Variants in LEMD3 observed in about 807,000 individuals in gnomAD.
LEMD3 encodes the protein inner nuclear membrane protein Man1.
LEMD3 carries 33 observed loss-of-function variants against 95.2 expected under a neutral mutation model. The observed-to-expected ratio is 0.35, with a 90% confidence interval of 0.26 to 0.46. The LOEUF (loss-of-function observed/expected upper bound fraction) is 0.46. Ranked by LOEUF, LEMD3 falls within the 20% of genes least tolerant of loss-of-function variation. The probability of loss-of-function intolerance (pLI) is 1.00; values close to 1 mark genes in which losing one functional copy is unlikely to be tolerated. For missense variants in LEMD3, 1,210 were observed against 1,192.8 expected, an observed-to-expected ratio of 1.01 and a Z score of -0.21; for synonymous variants, 525 against 474.6, an observed-to-expected ratio of 1.11 and a Z score of -1.38.
chr12:65,188,854 G>A (rs1157648158), intron 1 of LEMD3, among the ~76,000 whole-genome samples: 1 of 152,016 alleles, frequency 6.6e-6, no homozygotes, highest in Admixed American at 6.6e-5. Flanking sequence ...TATTGCTGAT[G>A]GCTGCAAACA....
chr12:65,242,785 A>G (rs1870974724), intron 9 of LEMD3, among the ~76,000 whole-genome samples: 1 of 152,178 alleles, frequency 6.6e-6, no homozygotes, highest in Admixed American at 6.6e-5. Flanking sequence ...TCTCCACATA[A>G]CAATGTATTT....
chr12:65,210,017 C>T (rs887818163), intron 1 of LEMD3, among the ~76,000 whole-genome samples: 1 of 151,754 alleles, frequency 6.6e-6, no homozygotes, highest in Non-Finnish European at 1.5e-5. Context: ...TGAATATTTT[C>T]GTATGTAATA....
intron 10 of LEMD3, 98 bp from the exon 11 acceptor site, chr12:65,245,571 A>C: frequency 1.2e-6 from 1 of 843,248 alleles, no homozygotes. Context: ...TTTTAAAACT[A>C]TACCAATTCT....
intron 1 of LEMD3, among the ~76,000 whole-genome samples, chr12:65,187,984 A>G (rs575119985): frequency 6.6e-6 from 1 of 152,228 alleles, no homozygotes; most frequent in East Asian, 1.9e-4. Flanking sequence ...AGATGCTTTC[A>G]CTGTTTATTT....
intron 1 of LEMD3, among the ~76,000 whole-genome samples, chr12:65,206,935 A>G (rs1294760522): frequency 6.6e-6 from 1 of 152,056 alleles, no homozygotes; most frequent in African/African-American, 2.4e-5. Context: ...TTCTATGATG[A>G]GAGTTATGTA....
chr12:65,170,837 C>G lies in LEMD3; in HGVS notation c.1241C>G (p.Ala414Gly), dbSNP rs1868522526. 1 of 1,614,224 alleles carries G rather than the reference C, an allele frequency of 6.2e-7. No homozygotes were observed. Among genetic ancestry groups the G allele is most frequent in the Non-Finnish European group, 8.5e-7 (1 of 1,180,038 alleles). Residue 414 changes from alanine to glycine, a missense_variant, in exon 1 of 13, where the codon GCG becomes GGG. Physicochemically the swap from Ala to Gly is moderately conservative, Grantham distance 60. Coordinates refer to ENST00000308330, the MANE Select transcript of LEMD3 (RefSeq NM_014319.5). ...TATTCTAACAGTCTCCCTCCCAGTG[C>G]GGCGGTGGCCGCCTCTAGTTCACTC... Reference protein sequence around the residue: ...RIYSNSLPPSAAVAASSSLRI... With the variant: ...RIYSNSLPPSGAVAASSSLRI...
At chr12:65,206,045 C>A (rs1270793412) in intron 1 of LEMD3, among the ~76,000 whole-genome samples, 1 of 152,110 alleles carries the variant, frequency 6.6e-6, no homozygotes, top group East Asian at 1.9e-4. Context: ...TTCACCCTGT[C>A]CATTTTTAGA....
chr12:65,169,615 T>A lies in LEMD3; in HGVS notation c.19T>A (p.Ser7Thr). Residue 7 changes from serine to threonine, a missense_variant, in exon 1 of 13, where the codon TCG (serine) becomes ACG (threonine). By Grantham distance (58) the Ser-to-Thr change is moderately conservative. Around this residue, in one of 2 missense-constraint regions of LEMD3, gnomAD observed 749 missense variants for 622.9 expected, o/e 1.20. Coordinates refer to ENST00000308330, the MANE Select transcript of LEMD3 (RefSeq NM_014319.5). MAAAAA[S>T]APQQLSDEEL... ...AGAGAAAATGGCGGCGGCAGCAGCTTCGGCGCCTCAGCAGCTCTCGGATGA... is the reference window on the plus strand; with the variant it reads ...AGAGAAAATGGCGGCGGCAGCAGCTACGGCGCCTCAGCAGCTCTCGGATGA... 6.3e-7 allele frequency: 1 copy of A among 1,588,082 alleles called. No individual in the cohort carries two copies. The highest frequency in any genetic ancestry group is 8.6e-7 in the Non-Finnish European group (1 of 1,169,556).
chr12:65,214,386 A>G (rs900789657), intron 2 of LEMD3, among the ~76,000 whole-genome samples: 1 of 152,200 alleles, frequency 6.6e-6, no homozygotes, highest in Non-Finnish European at 1.5e-5. Context: ...TGATTAAGAT[A>G]AAATTGAGGC....
At chr12:65,212,250 C>T (rs1869961860) in intron 2 of LEMD3, among the ~76,000 whole-genome samples, 1 of 152,142 alleles carries the variant, frequency 6.6e-6, no homozygotes, top group African/African-American at 2.4e-5. Context: ...CCCACCACTG[C>T]CTCCCACAAC....
At chr12:65,174,468 A>AT (rs1016283133) in intron 1 of LEMD3, among the ~76,000 whole-genome samples, 6 of 151,620 alleles carry the variant, frequency 4.0e-5, no homozygotes, top group Non-Finnish European at 5.9e-5. Context: ...ATCATTATTA[A>AT]TTTTTTTTTC....
At chr12:65,175,603 T>C (rs578015480) in intron 1 of LEMD3, among the ~76,000 whole-genome samples, 2 of 152,336 alleles carry the variant, frequency 1.3e-5, no homozygotes, top group Non-Finnish European at 2.9e-5. Flanking sequence ...GTATCACTAC[T>C]CTCTCCTAGT....
intron 2 of LEMD3, among the ~76,000 whole-genome samples, chr12:65,214,768 C>T (rs1336694951): frequency 6.6e-6 from 1 of 152,094 alleles, no homozygotes; most frequent in Non-Finnish European, 1.5e-5. Flanking sequence ...AAGACAGAGC[C>T]CCCTGATAAA....
chr12:65,245,806 T>C (rs1187897249), intron 11 of LEMD3, 32 bp downstream of exon 11: 1 of 1,604,386 alleles, frequency 6.2e-7, no homozygotes, highest in Non-Finnish European at 8.5e-7. Context: ...AATTTCATGT[T>C]TTGGATTTGT....
In LEMD3 at chr12:65,247,081, T is replaced by G. The variant is rs1871136677; in HGVS notation, c.*756T>G. 6.6e-6 allele frequency: 1 copy of G among 152,622 alleles called. No homozygotes were observed. Among genetic ancestry groups the G allele is most frequent in the South Asian group, 2.1e-4 (1 of 4,838 alleles). 9.5% of individuals were successfully genotyped at this position (152,622 alleles called of 1,614,324 possible). ...ACACACAGAGATATATACATATGGC[T>G]GTACTTTTGCATAGATCAAACAGCC... On this transcript the variant is annotated 3_prime_UTR_variant, in exon 13 of 13. Transcript: ENST00000308330.
At chr12:65,239,078 T>G (rs1237340085) in intron 6 of LEMD3, among the ~76,000 whole-genome samples, 4 of 152,118 alleles carry the variant, frequency 2.6e-5, no homozygotes, top group African/African-American at 9.7e-5. Flanking sequence ...GAAATCTACT[T>G]TAGAAAGTAG....
rs372338782 is a variant in LEMD3 at position 65,238,717 on chromosome 12, G to T, written c.1824G>T (p.Val608=). The T allele has an allele frequency of 6.2e-7, 1 of 1,613,902 alleles. No homozygotes were observed. Among genetic ancestry groups the T allele is most frequent in the Non-Finnish European group, 8.5e-7 (1 of 1,179,944 alleles). Residue 608 remains valine (V), a synonymous_variant, in exon 6 of 13, where the codon GTG becomes GTT. Transcript: ENST00000308330. ...PEEELTNITD[V]QFLQSTRPLM... is the part of the protein sequence containing the mutation. ...AAGAATTGACAAATATAACTGATGTGCAGTTTTTACAGTCCACAAGACCAC... is the reference window on the plus strand; with the variant it reads ...AAGAATTGACAAATATAACTGATGTTCAGTTTTTACAGTCCACAAGACCAC...
At chr12:65,214,126 A>G (rs1355778785) in intron 2 of LEMD3, among the ~76,000 whole-genome samples, 1 of 151,984 alleles carries the variant, frequency 6.6e-6, no homozygotes, top group Non-Finnish European at 1.5e-5. Context: ...GTACAGTGGC[A>G]TGACCTCCGC....
At chr12:65,241,318 C>T (rs1226068662) in intron 9 of LEMD3, among the ~76,000 whole-genome samples, 2 of 151,798 alleles carry the variant, frequency 1.3e-5, no homozygotes, top group Non-Finnish European at 2.9e-5. Flanking sequence ...TTGAATCTTG[C>T]CTTTTTCACT....
Sources: gnomAD v4.1 joint callset for allele counts (sites outside exome capture counted in the v4.1 genomes callset) on GRCh38, gnomAD v4.1.1 for gene constraint, gnomAD v4.1.1 regional missense constraint, MANE v1.5 for transcripts, NCBI Gene and HGNC (gene_info 2026-07-23, HGNC 2026-07-21) for gene names.